Variants in MTDH observed in about 807,000 individuals in gnomAD.
MTDH encodes metadherin.
In MTDH, 34 loss-of-function variants were observed where a neutral mutation model predicts 72.7. The ratio of observed to expected loss-of-function variants is 0.47; its 90% confidence interval spans 0.36 to 0.62. The LOEUF (loss-of-function observed/expected upper bound fraction) is 0.62, where lower values mean the gene tolerates loss of function less well. MTDH is among the 20% of genes least tolerant of loss of function. The pLI is 0.00. For missense variants in MTDH, 677 were observed against 699.4 expected, an observed-to-expected ratio of 0.97 and a Z score of 0.36; for synonymous variants, 266 against 268.9, an observed-to-expected ratio of 0.99 and a Z score of 0.10.
chr8:97,653,568 C>T (rs1811854597), intron 1 of MTDH, among the ~76,000 whole-genome samples: 1 of 152,148 alleles, frequency 6.6e-6, no homozygotes, highest in Non-Finnish European at 1.5e-5. Flanking sequence ...ACAGTTCTGA[C>T]AGAAAAGACC....
chr8:97,715,021 C>T (rs1247299875), intron 9 of MTDH, among the ~76,000 whole-genome samples: 1 of 152,028 alleles, frequency 6.6e-6, no homozygotes, highest in Non-Finnish European at 1.5e-5. Flanking sequence ...GACAGGCTTT[C>T]GCCATGTTAG....
intron 7 of MTDH, 135 bp downstream of exon 7, chr8:97,699,987 A>C: frequency 2.0e-6 from 1 of 495,904 alleles, no homozygotes; most frequent in Admixed American, 3.5e-5. Context: ...TTAATACCAA[A>C]TGTACTACTT....
At chr8:97,656,393 A>C (rs1405297384) in intron 1 of MTDH, among the ~76,000 whole-genome samples, 2 of 142,416 alleles carry the variant, frequency 1.4e-5, no homozygotes, top group African/African-American at 5.3e-5. Context: ...CAACCTCCGC[A>C]TCCCAGGTTC....
intron 9 of MTDH, among the ~76,000 whole-genome samples, chr8:97,718,499 T>G (rs186060312): frequency 1.1e-4 from 16 of 147,680 alleles, no homozygotes; most frequent in Admixed American, 5.4e-4. Context: ...TTGTGGGTTT[T>G]TTTTTGTTTT....
intron 2 of MTDH, among the ~76,000 whole-genome samples, chr8:97,666,193 A>G (rs1171792542): frequency 6.6e-6 from 1 of 152,174 alleles, no homozygotes. Flanking sequence ...GAGAGAAACA[A>G]CGGAAACAAA....
chr8:97,702,784 C>T lies in MTDH; in HGVS notation c.1147+2932C>T, dbSNP rs185175033. Reference sequence around the variant, plus strand: ...CCTTTTGAAAAGAAAACCAGTATGGCTCTTTGAAAAGAATTAAGTTCTGAC... The same window carrying T: ...CCTTTTGAAAAGAAAACCAGTATGGTTCTTTGAAAAGAATTAAGTTCTGAC... On this transcript the variant is annotated intron_variant, in intron 7 of 11. Coordinates refer to ENST00000336273, the MANE Select transcript of MTDH (RefSeq NM_178812.4). 1.2e-3 allele frequency among the ~76,000 whole-genome samples: 182 copies of T among 152,022 alleles called. 1 individual carries two copies. Among genetic ancestry groups the T allele is most frequent in the Admixed American group, 3.3e-3 (51 of 15,250 alleles).
chr8:97,697,130 A>AAAAAAAAAAAAAAAAAAAATATT (rs1813874804), intron 6 of MTDH, among the ~76,000 whole-genome samples: 1 of 93,392 alleles, frequency 1.1e-5, no homozygotes, highest in African/African-American at 6.7e-5. Flanking sequence ...AAAAAAAAAA[A>AAAAAAAAAAAAAAAAAAAATATT]TATATATATA....
chr8:97,656,878 A>T (rs1811999119), intron 1 of MTDH, among the ~76,000 whole-genome samples: 1 of 151,896 alleles, frequency 6.6e-6, no homozygotes, highest in Non-Finnish European at 1.5e-5. Flanking sequence ...CATGTGTCTA[A>T]TGCTGAGACA....
rs765358805 is a variant in MTDH at position 97,722,859 on chromosome 8, AT to A, written c.1522-19del. The A allele has an allele frequency of 6.3e-7, 1 of 1,579,642 alleles. No individual in the cohort carries two copies. On this transcript the variant is annotated intron_variant, in intron 10 of 11. Coordinates refer to ENST00000336273, the MANE Select transcript of MTDH (RefSeq NM_178812.4). The stretch of plus-strand genomic sequence containing the variant: ...TGAAAATTTCACCAAAAAACCTGAG[AT>A]GATTTTTTCCTAAAATAGCCTATCA...
chr8:97,712,578 G>A (rs540693970), intron 8 of MTDH, among the ~76,000 whole-genome samples: 1 of 152,264 alleles, frequency 6.6e-6, no homozygotes, highest in East Asian at 1.9e-4. Flanking sequence ...CTAAACATAA[G>A]CTTTCATTTC....
In MTDH at chr8:97,671,298, C is replaced by T. The variant is rs541925856; in HGVS notation, c.483+10125C>T. Among the ~76,000 whole-genome samples the T allele has an allele frequency of 2.0e-5, 3 of 152,060 alleles. No individual in the cohort carries two copies. In the East Asian group the frequency reaches 5.8e-4, roughly 29 times the overall value. On this transcript the variant is annotated intron_variant, in intron 2 of 11. Transcript: ENST00000336273. ...AACATTTCAGTATGAGATTTGGGTT[C>T]GGACACAGATCCAAACCATATCGTG...
intron 10 of MTDH, among the ~76,000 whole-genome samples, chr8:97,719,573 T>C (rs1465461126): frequency 6.6e-6 from 1 of 152,026 alleles, no homozygotes; most frequent in Non-Finnish European, 1.5e-5. Context: ...AGCACTGTGC[T>C]AAGCATTTAA....
At chr8:97,668,516 A>G (rs1008964587) in intron 2 of MTDH, among the ~76,000 whole-genome samples, 4 of 152,150 alleles carry the variant, frequency 2.6e-5, no homozygotes, top group Admixed American at 6.6e-5. Flanking sequence ...GTAATAGAAT[A>G]TGGAAAGTTC....
chr8:97,685,052 C>T (rs1010267538), intron 2 of MTDH, among the ~76,000 whole-genome samples: 2 of 152,194 alleles, frequency 1.3e-5, no homozygotes, highest in East Asian at 3.9e-4. Context: ...GGTGACAGAG[C>T]GAGACTCCGT....
chr8:97,670,000 A>G (rs1812547209), intron 2 of MTDH, among the ~76,000 whole-genome samples: 1 of 150,772 alleles, frequency 6.6e-6, no homozygotes, highest in Non-Finnish European at 1.5e-5. Context: ...GCCTTGTGTT[A>G]GCCCTTTCTC....
rs570333602 is a variant in MTDH, at chr8:97,715,149, A to G, written c.1380+1380A>G. ...CCTTATTTATTTATTTATTTTTGAGACAGAGTCTCACTCTGTCACCCCGGC... is the reference window on the plus strand; with the variant it reads ...CCTTATTTATTTATTTATTTTTGAGGCAGAGTCTCACTCTGTCACCCCGGC... On this transcript the variant is annotated intron_variant, in intron 9 of 11. Transcript: ENST00000336273. 2.1e-5 allele frequency among the ~76,000 whole-genome samples: 3 copies of G among 140,590 alleles called. No individual in the cohort carries two copies. In the South Asian group the frequency reaches 6.7e-4, roughly 31 times the overall value. The allele number at this position is 140,590 out of a possible 152,430, so 92.2% of individuals were successfully genotyped here. A position where few individuals can be genotyped will look rare whatever the true frequency, so the allele number is the denominator to read the frequency against.
intron 2 of MTDH, among the ~76,000 whole-genome samples, chr8:97,674,847 G>A (rs1465099474): frequency 6.6e-6 from 1 of 151,128 alleles, no homozygotes; most frequent in East Asian, 1.9e-4. Flanking sequence ...GTCTTGCTCT[G>A]TCACCTAGGC....
At chr8:97,653,108 ACT>A (rs548667025) in intron 1 of MTDH, among the ~76,000 whole-genome samples, 15 of 151,282 alleles carry the variant, frequency 9.9e-5, no homozygotes, top group Non-Finnish European at 1.5e-4. Context: ...ACAGAGCGAG[ACT>A]CTGTCTCAAA....
chr8:97,720,001 T>C (rs1277630560), intron 10 of MTDH, among the ~76,000 whole-genome samples: 1 of 145,246 alleles, frequency 6.9e-6, no homozygotes, highest in Non-Finnish European at 1.6e-5. Context: ...TCATATAAAT[T>C]CAGGGCTGGG....
Sources: allele counts gnomAD v4.1 joint callset (sites outside exome capture counted in the v4.1 genomes callset), GRCh38; gene constraint gnomAD v4.1.1; transcripts MANE v1.5; gene names NCBI Gene and HGNC (gene_info 2026-07-23, HGNC 2026-07-21).